Variants in ERLIN2 observed in about 807,000 individuals in gnomAD.
ERLIN2 encodes ER lipid raft associated 2.
ERLIN2 carries 22 observed loss-of-function variants against 41.5 expected under a neutral mutation model. That is an observed-to-expected ratio of 0.53 (90% confidence interval 0.38 to 0.76). The LOEUF is 0.76. ERLIN2 is among the 30% of genes least tolerant of loss of function. The pLI, the probability that ERLIN2 is intolerant of heterozygous loss-of-function variation, is 0.00. For synonymous variants in ERLIN2, 149 were observed against 150.9 expected (o/e 0.99, Z 0.09); for missense variants, 247 against 414.3 (o/e 0.60, Z 3.51).
chr8:37,742,600 A>G (rs1338715305), intron 4 of ERLIN2, among the ~76,000 whole-genome samples: 1 of 152,196 alleles, frequency 6.6e-6, no homozygotes, highest in Admixed American at 6.5e-5. Context: ...TGGGAACTGA[A>G]TGATGAGAAC....
In ERLIN2 at chr8:37,751,719, A is replaced by G. The variant is rs1274121613; in HGVS notation, c.739+4A>G. The G allele has an allele frequency of 6.2e-7, 1 of 1,611,704 alleles. No individual in the cohort carries two copies. Among genetic ancestry groups the G allele is most frequent in the East Asian group, 2.2e-5 (1 of 44,896 alleles). The stretch of plus-strand genomic sequence containing the variant: ...AAGAAGATTTCAGAAATTGAAGGTA[A>G]GCAGAAGTGGCAGTCATGCCTGAGT... On this transcript the variant is annotated splice_donor_region_variant and intron_variant, in intron 10 of 11. Transcript: ENST00000519638.
Position 37,749,580 on chromosome 8 carries a change from A to T in ERLIN2, c.446A>T (p.Lys149Ile). ...CCAGATCAGATTGATGAAAATCTCA[A>T]ACTGGCTTTGCAACAGGACCTGACC... is the stretch of plus-strand genomic sequence containing the variant. ...ELFDQIDENL[K>I]LALQQDLTSM... The change falls in exon 7 of 12, where the codon AAA becomes ATA. Residue 149 changes from lysine to isoleucine, a missense_variant. Transcript: ENST00000519638. 6.2e-7 allele frequency: 1 copy of T among 1,613,652 alleles called. No individual in the cohort carries two copies. The highest frequency in any genetic ancestry group is 1.1e-5 in the South Asian group (1 of 91,066).
In ERLIN2 at chr8:37,756,505, C is replaced by T. The variant is rs1253768692; in HGVS notation, c.*2390C>T. 1 of 152,612 alleles carries T rather than the reference C, an allele frequency of 6.6e-6. No individual in the cohort carries two copies. Among genetic ancestry groups the T allele is most frequent in the Admixed American group, 6.5e-5 (1 of 15,274 alleles). 9.5% of individuals were successfully genotyped at this position (152,612 alleles called of 1,614,324 possible). A position where few individuals can be genotyped will look rare whatever the true frequency, so the allele number is the denominator to read the frequency against. On this transcript the variant is annotated 3_prime_UTR_variant, in exon 12 of 12. Transcript: ENST00000519638. ...GCTTGTCCCATGAGCACAGAAGAGC[C>T]TCAGTAGAGTCAAGTCCTGCTGCAG...
At chr8:37,747,910 C>G in intron 6 of ERLIN2, 1 of 1,614,186 alleles carries the variant, frequency 6.2e-7, no homozygotes, top group African/African-American at 1.3e-5. Context: ...GCCGCACAAA[C>G]AGTAGTACAC....
At chr8:37,739,499 A>C (rs962604466) in intron 2 of ERLIN2, among the ~76,000 whole-genome samples, 1 of 151,092 alleles carries the variant, frequency 6.6e-6, no homozygotes, top group African/African-American at 2.4e-5. Flanking sequence ...TTTTTTTGAG[A>C]CAGTCTCGCT....
intron 6 of ERLIN2, chr8:37,745,393 C>A: frequency 1.5e-6 from 1 of 645,630 alleles, no homozygotes; most frequent in Non-Finnish European, 2.7e-6. Flanking sequence ...TCCTTTTTAC[C>A]TTTTTCAAAG....
At position 37,737,905 on chromosome 8, in the gene ERLIN2, T is replaced by C; in HGVS notation, c.-15-3T>C. 1.2e-6 allele frequency: 2 copies of C among 1,614,046 alleles called. No individual in the cohort carries two copies. The highest frequency in any genetic ancestry group is 1.7e-6 in the Non-Finnish European group (2 of 1,179,952). On this transcript the variant is annotated splice_region_variant and splice_polypyrimidine_tract_variant and intron_variant, in intron 1 of 11. Transcript: ENST00000519638. ...CACACATTTTCCCGTGTCTTTTCCC[T>C]AGGATAAAGGCTCACTGATGGCTCA... is the stretch of plus-strand genomic sequence containing the variant.
At chr8:37,750,332 AC>A in intron 8 of ERLIN2, 62 bp from the exon 9 acceptor site, 1 of 1,292,178 alleles carries the variant, frequency 7.7e-7, no homozygotes, top group Non-Finnish European at 1.1e-6. Context: ...AATTCGACTT[AC>A]CTGGGGATAG....
chr8:37,744,553 C>T lies in ERLIN2; in HGVS notation c.299-18C>T. On this transcript the variant is annotated intron_variant, in intron 5 of 11. Transcript: ENST00000519638. ...AGTCTTGCCTTTTCTTATGCCAAGC[C>T]CTCTCCTTCCCTCTCAGTGTATGAT... 1 of 1,614,052 alleles carries T rather than the reference C, an allele frequency of 6.2e-7. No individual in the cohort carries two copies. The highest frequency in any genetic ancestry group is 8.5e-7 in the Non-Finnish European group (1 of 1,179,970).
chr8:37,749,650 G>A lies in ERLIN2; in HGVS notation c.498+18G>A, dbSNP rs1803169899. On this transcript the variant is annotated intron_variant, in intron 7 of 11. Transcript: ENST00000519638. ...TCATTCAAGTAAGCATTGCTGCATG[G>A]GAGCAGCCCCTCTCTCTCTGACACT... The A allele has an allele frequency of 6.3e-6, 10 of 1,593,908 alleles. No individual in the cohort carries two copies. Among genetic ancestry groups the A allele is most frequent in the Non-Finnish European group, 8.6e-6 (10 of 1,161,674 alleles).
chr8:37,749,451 G>A, intron 6 of ERLIN2, 108 bp from the exon 7 acceptor site: 5 of 810,424 alleles, frequency 6.2e-6, no homozygotes, highest in Non-Finnish European at 1.1e-5. Context: ...ACTCCCTTGG[G>A]AAAGTACATT....
chr8:37,753,406 A>G (rs1464690508), intron 10 of ERLIN2, 44 bp from the exon 11 acceptor site: 1 of 1,533,746 alleles, frequency 6.5e-7, no homozygotes, highest in Non-Finnish European at 9.0e-7. Context: ...CAAAGAACTC[A>G]GTTTTAGCAC....
Position 37,750,865 on chromosome 8 carries a change from C to T in ERLIN2, c.649+379C>T, listed in dbSNP as rs1191460451. ...GCCTCCTGAGTAGCTGGGATTACAG[C>T]GGGTGCCGGCACGCCTGGCTAATTT... On this transcript the variant is annotated intron_variant, in intron 9 of 11. Coordinates refer to ENST00000519638, the MANE Select transcript of ERLIN2 (RefSeq NM_007175.8). Among the ~76,000 whole-genome samples the T allele has an allele frequency of 7.2e-5, 11 of 151,882 alleles. No homozygotes were observed. In the East Asian group the frequency reaches 1.2e-3, roughly 16 times the overall value.
chr8:37,753,381 C>T, intron 10 of ERLIN2, 69 bp from the exon 11 acceptor site: 8 of 1,292,852 alleles, frequency 6.2e-6, no homozygotes, highest in African/African-American at 1.5e-5. Flanking sequence ...CTTCCCATAG[C>T]CTCTGCACTT....
chr8:37,745,616 G>A lies in ERLIN2; in HGVS notation c.424+920G>A, dbSNP rs536965745. ...GGAATCTTCATAAAAGGGACCCTGA[G>A]CAAGAACATTTTTCATAGCAGACAG... On this transcript the variant is annotated intron_variant, in intron 6 of 11. Coordinates refer to ENST00000519638, the MANE Select transcript of ERLIN2 (RefSeq NM_007175.8). The A allele has an allele frequency of 3.1e-6, 5 of 1,614,108 alleles. No individual in the cohort carries two copies. The South Asian group carries it at 5.5e-5, about 18-fold the overall frequency.
intron 10 of ERLIN2, among the ~76,000 whole-genome samples, chr8:37,752,585 G>T (rs1368933842): frequency 6.6e-6 from 1 of 152,174 alleles, no homozygotes; most frequent in Non-Finnish European, 1.5e-5. Context: ...TGGACTGCAG[G>T]TTCCTTCCAC....
intron 6 of ERLIN2, chr8:37,745,772 G>T: frequency 1.4e-6 from 2 of 1,469,740 alleles, no homozygotes; most frequent in South Asian, 1.4e-5. Context: ...CATTTTATAG[G>T]GTTTGTAGTC....
chr8:37,744,208 C>A, intron 4 of ERLIN2, 147 bp from the exon 5 acceptor site: 4 of 788,242 alleles, frequency 5.1e-6, no homozygotes, highest in African/African-American at 1.7e-5. Flanking sequence ...CAGAACCTCC[C>A]ACTTGGAGAT....
chr8:37,748,245 T>A (rs1011591697), intron 6 of ERLIN2, among the ~76,000 whole-genome samples: 1 of 152,244 alleles, frequency 6.6e-6, no homozygotes, highest in East Asian at 1.9e-4. Flanking sequence ...TTGACAGATA[T>A]AATTTGGTCT....
Sources: allele counts gnomAD v4.1 joint callset (sites outside exome capture counted in the v4.1 genomes callset), GRCh38; gene constraint gnomAD v4.1.1; transcripts MANE v1.5; gene names NCBI Gene and HGNC (gene_info 2026-07-23, HGNC 2026-07-21).